The following GMDS variants were observed in gnomAD, a reference collection of about 807,000 sequenced individuals.
GMDS encodes GDP-mannose 4,6 dehydratase.
Under a neutral mutation model 49.9 loss-of-function variants are expected in GMDS, and 20 were observed. The ratio of observed to expected loss-of-function variants is 0.40; its 90% CI spans 0.28 to 0.58. GMDS has a LOEUF of 0.58. Ranked by LOEUF, GMDS falls within the 20% of genes least tolerant of loss-of-function variation. GMDS has a pLI of 0.42. For synonymous variants in GMDS, 177 were observed against 178.6 expected (o/e 0.99, Z 0.07); for missense variants, 362 against 481.4 (o/e 0.75, Z 2.32).
chr6:1,716,400 A>T lies in GMDS; in HGVS notation c.987+10016T>A, dbSNP rs766426575. Among the ~76,000 whole-genome samples the T allele has an allele frequency of 1.0e-3, 152 of 152,258 alleles. 2 individuals are homozygous for T. The highest frequency in any genetic ancestry group is 2.0e-4 in the Admixed American group (3 of 15,286). On this transcript the variant is annotated intron_variant, in intron 9 of 10. Transcript: ENST00000380815. The stretch of plus-strand genomic sequence containing the variant: ...ACCCATCAGGGGTCAGATGGCAGGT[A>T]TCAAAAGACAGATTAATGGTATCAG...
At chr6:2,173,884 T>C (rs1778142727) in intron 1 of GMDS, among the ~76,000 whole-genome samples, 2 of 152,220 alleles carry the variant, frequency 1.3e-5, no homozygotes, top group African/African-American at 4.8e-5. Flanking sequence ...TAACATTTCT[T>C]CTCATCCTAA....
intron 7 of GMDS, among the ~76,000 whole-genome samples, chr6:1,758,731 G>A (rs1768049826): frequency 6.6e-6 from 1 of 152,166 alleles, no homozygotes; most frequent in African/African-American, 2.4e-5. Flanking sequence ...AGCTTGGGCT[G>A]GGAATCAGAA....
chr6:1,692,364 T>C (rs778075088), intron 9 of GMDS, among the ~76,000 whole-genome samples: 4 of 152,236 alleles, frequency 2.6e-5, no homozygotes, highest in Non-Finnish European at 5.9e-5. Context: ...CATATATTCA[T>C]CTATCCTATT....
intron 1 of GMDS, among the ~76,000 whole-genome samples, chr6:2,230,427 C>T (rs540645412): frequency 2.6e-5 from 4 of 152,164 alleles, no homozygotes; most frequent in Non-Finnish European, 5.9e-5. Flanking sequence ...CCACTAACAG[C>T]GATGTCCTAT....
chr6:1,639,035 T>A (rs1763249688), intron 9 of GMDS, among the ~76,000 whole-genome samples: 1 of 152,208 alleles, frequency 6.6e-6, no homozygotes, highest in African/African-American at 2.4e-5. Context: ...TGATGGAGAC[T>A]GACATAGATG....
At chr6:1,718,341 C>T (rs973639367) in intron 9 of GMDS, among the ~76,000 whole-genome samples, 1 of 152,182 alleles carries the variant, frequency 6.6e-6, no homozygotes, top group Non-Finnish European at 1.5e-5. Flanking sequence ...CCTCCCCCTG[C>T]AAAGTAAGTC....
At chr6:1,767,325 A>G (rs1373587478) in intron 7 of GMDS, among the ~76,000 whole-genome samples, 1 of 152,244 alleles carries the variant, frequency 6.6e-6, no homozygotes, top group Non-Finnish European at 1.5e-5. Flanking sequence ...TTCAGTCATC[A>G]AGAATCAAGG....
chr6:1,834,408 A>G (rs1204279021), intron 7 of GMDS, among the ~76,000 whole-genome samples: 1 of 152,210 alleles, frequency 6.6e-6, no homozygotes, highest in African/African-American at 2.4e-5. Flanking sequence ...CAGAGGCACC[A>G]TGATACATCA....
intron 9 of GMDS, among the ~76,000 whole-genome samples, chr6:1,686,745 C>T (rs1289706037): frequency 6.6e-6 from 1 of 152,136 alleles, no homozygotes; most frequent in East Asian, 1.9e-4. Flanking sequence ...TACATTAACG[C>T]AGCAACTTCT....
At chr6:1,882,273 A>C (rs1179026722) in intron 7 of GMDS, among the ~76,000 whole-genome samples, 1 of 152,234 alleles carries the variant, frequency 6.6e-6, no homozygotes, top group African/African-American at 2.4e-5. Flanking sequence ...CTCTCAGTGT[A>C]CTGCACCAAA....
At chr6:2,071,065 T>C (rs979327804) in intron 4 of GMDS, among the ~76,000 whole-genome samples, 18 of 152,220 alleles carry the variant, frequency 1.2e-4, no homozygotes, top group African/African-American at 4.1e-4. Context: ...GGGAAAGTGC[T>C]CTTTTTCCAA....
At position 1,623,810 on chromosome 6, in the gene GMDS, A is replaced by C; in HGVS notation, c.*359T>G. The C allele has an allele frequency of 3.7e-6, 1 of 266,964 alleles. No individual in the cohort carries two copies. The highest frequency in any genetic ancestry group is 2.3e-5 in the African/African-American group (1 of 44,246). 16.5% of individuals were successfully genotyped at this position (266,964 alleles called of 1,614,324 possible). Reference sequence around the variant, plus strand: ...CATCCACACTGACCCTGTGAATGCTAGTTCACAGAAAGACCATTTTTAATA... The same window carrying C: ...CATCCACACTGACCCTGTGAATGCTCGTTCACAGAAAGACCATTTTTAATA... On this transcript the variant is annotated 3_prime_UTR_variant, in exon 11 of 11. Transcript: ENST00000380815.
intron 7 of GMDS, among the ~76,000 whole-genome samples, chr6:1,867,405 G>T (rs929683604): frequency 2.0e-5 from 3 of 152,202 alleles, no homozygotes; most frequent in African/African-American, 7.2e-5. Flanking sequence ...AAAAGGTAAC[G>T]ATCGGTAGGA....
intron 4 of GMDS, among the ~76,000 whole-genome samples, chr6:2,073,024 G>C (rs1772105392): frequency 6.6e-6 from 1 of 152,142 alleles, no homozygotes; most frequent in Non-Finnish European, 1.5e-5. Flanking sequence ...CCCTTCCCTA[G>C]AAATACCAAC....
At chr6:1,919,786 T>C (rs1761624078) in intron 7 of GMDS, among the ~76,000 whole-genome samples, 1 of 152,192 alleles carries the variant, frequency 6.6e-6, no homozygotes, top group Non-Finnish European at 1.5e-5. Context: ...TTAAACATCT[T>C]ATTCTTACAC....
intron 4 of GMDS, among the ~76,000 whole-genome samples, chr6:2,070,950 C>G (rs1771954769): frequency 6.6e-6 from 1 of 152,166 alleles, no homozygotes. Context: ...CACATTTACT[C>G]TTAGTGATAT....
At chr6:2,167,374 T>G (rs1049324640) in intron 1 of GMDS, among the ~76,000 whole-genome samples, 7 of 152,142 alleles carry the variant, frequency 4.6e-5, no homozygotes, top group African/African-American at 1.7e-4. Flanking sequence ...CTCCTCATCA[T>G]CCCTAATCTC....
rs116624706 is a variant in GMDS, at chr6:2,185,964, G to A, written c.102+59357C>T. Among the ~76,000 whole-genome samples the A allele has an allele frequency of 3.1e-3, 476 of 151,974 alleles. 4 individuals carry two copies. The highest frequency in any genetic ancestry group is 4.8e-3 in the Non-Finnish European group (326 of 68,004). On this transcript the variant is annotated intron_variant, in intron 1 of 10. Coordinates refer to ENST00000380815, the MANE Select transcript of GMDS (RefSeq NM_001500.4). Reference sequence around the variant, plus strand: ...CAAATGAGAAAACTGAGAACCACGCGTTTAGTAATAATTCTCAAAAAATAA... The same window carrying A: ...CAAATGAGAAAACTGAGAACCACGCATTTAGTAATAATTCTCAAAAAATAA...
intron 4 of GMDS, among the ~76,000 whole-genome samples, chr6:2,077,828 A>G (rs1219101208): frequency 2.0e-5 from 3 of 152,012 alleles, no homozygotes; most frequent in Admixed American, 1.3e-4. Flanking sequence ...TTTCTCTTCA[A>G]TTTTTTGGAA....
Sources: allele counts gnomAD v4.1 joint callset (sites outside exome capture counted in the v4.1 genomes callset), GRCh38; gene constraint gnomAD v4.1.1; transcripts MANE v1.5; gene names NCBI Gene and HGNC (gene_info 2026-07-23, HGNC 2026-07-21).